Variants in CRYAB observed in about 807,000 individuals in gnomAD.
CRYAB encodes the protein alpha-crystallin B chain.
In CRYAB, 9 loss-of-function variants were observed where a neutral mutation model predicts 12.7. The ratio of observed to expected loss-of-function variants is 0.71; its 90% CI spans 0.43 to 1.24. CRYAB has a LOEUF of 1.24. Among genes scored for constraint, CRYAB ranks in the 50% most tolerant of loss-of-function variants. The pLI, the probability that CRYAB is intolerant of heterozygous loss-of-function variation, is 0.00. For missense variants in CRYAB, 183 were observed against 226.6 expected (o/e 0.81, Z 1.24); for synonymous variants, 93 against 86.8 (o/e 1.07, Z -0.40).
chr11:111,920,022 C>T (rs1379074716), intron 1 of CRYAB, among the ~76,000 whole-genome samples: 3 of 151,852 alleles, frequency 2.0e-5, no homozygotes, highest in Non-Finnish European at 4.4e-5. Flanking sequence ...GGTGAAACCC[C>T]ATCTCTACTG....
chr11:111,911,915 T>A (rs28362563), upstream of CRYAB: 168 of 595,080 alleles, frequency 2.8e-4, 1 homozygote, highest in East Asian at 4.2e-3. Context: ...TACCCAGTAC[T>A]CACTGAGCTA....
In CRYAB at chr11:111,910,610, T is replaced by G. The variant is rs547583530; in HGVS notation, c.202-161A>C. ...TTTTTAAATAAACATAGCTGTCTGC[T>G]TCAGGGAGCCACCACAGTGATACCT... On this transcript the variant is annotated intron_variant, in intron 1 of 2. Coordinates refer to ENST00000650687, the MANE Select transcript of CRYAB (RefSeq NM_001289808.2). 3.6e-5 allele frequency: 32 copies of G among 892,328 alleles called. No individual in the cohort carries two copies. In the African/African-American group the frequency reaches 5.0e-4, roughly 14 times the overall value. The allele number at this position is 892,328 out of a possible 1,614,324, so 55.3% of individuals were successfully genotyped here.
At chr11:111,918,861 T>C (rs1965638583) in intron 1 of CRYAB, 2 of 1,273,088 alleles carry the variant, frequency 1.6e-6, no homozygotes, top group Non-Finnish European at 2.3e-6. Context: ...GGTTGAAATC[T>C]GACACTGACA....
chr11:111,912,500 G>T (rs1447132366), upstream of CRYAB: 4 of 438,536 alleles, frequency 9.1e-6, no homozygotes, highest in South Asian at 8.7e-5. Flanking sequence ...TCTCAGCGAG[G>T]CCTCTTCATG....
chr11:111,913,965 TC>T, upstream of CRYAB: 2 of 1,324,454 alleles, frequency 1.5e-6, no homozygotes, highest in Non-Finnish European at 2.1e-6. Context: ...TGCCCACCAC[TC>T]CAGAGGTAGC....
At chr11:111,921,933 A>G (rs1406397590) in intron 1 of CRYAB, among the ~76,000 whole-genome samples, 1 of 152,074 alleles carries the variant, frequency 6.6e-6, no homozygotes. Flanking sequence ...CCCAGGTGTA[A>G]GCGATTCTCA....
chr11:111,914,860 G>C (rs1965573033), upstream of CRYAB, among the ~76,000 whole-genome samples: 2 of 152,162 alleles, frequency 1.3e-5, no homozygotes, highest in Non-Finnish European at 2.9e-5. Flanking sequence ...AGGATCACTT[G>C]AGCCCAAGAG....
At chr11:111,913,938 A>G, upstream of CRYAB, 1 of 1,519,368 alleles carries the variant, frequency 6.6e-7, no homozygotes, top group Admixed American at 1.8e-5. Flanking sequence ...TCTACCTCCC[A>G]AGGTGATATG....
In CRYAB at chr11:111,911,617, A is replaced by G. The variant is rs1592509703; in HGVS notation, c.108T>C (p.Asp36=). 6.2e-7 allele frequency: 1 copy of G among 1,613,006 alleles called. No homozygotes were observed. Among genetic ancestry groups the G allele is most frequent in the Non-Finnish European group, 8.5e-7 (1 of 1,179,702 alleles). ...TCAGGGAAGTAGACGTCGGGAAAAG[A>G]TCAGACTCCAACAGGTGCTCTCCGA... ...QFFGEHLLES[D]LFPTSTSLSP... is the part of the protein sequence containing the mutation. Residue 36 remains aspartate, a synonymous_variant, in exon 1 of 3, where the codon GAT becomes GAC. Transcript: ENST00000650687.
intron 1 of CRYAB, among the ~76,000 whole-genome samples, chr11:111,920,009 C>A (rs1965664802): frequency 6.6e-6 from 1 of 151,912 alleles, no homozygotes; most frequent in South Asian, 2.1e-4. Context: ...TCCTGGCTAA[C>A]ACGGTGAAAC....
chr11:111,915,358 T>A (rs1555166050), upstream of CRYAB, among the ~76,000 whole-genome samples: 1 of 152,154 alleles, frequency 6.6e-6, no homozygotes, highest in Non-Finnish European at 1.5e-5. Flanking sequence ...CCCAGAGAAA[T>A]AACATTTGAC....
upstream of CRYAB, chr11:111,911,902 A>C: frequency 1.6e-6 from 1 of 613,542 alleles, no homozygotes; most frequent in South Asian, 1.9e-5. Flanking sequence ...GCAATGTGAC[A>C]CATACCCAGT....
chr11:111,910,833 C>T (rs1555165480), intron 1 of CRYAB: 2 of 336,970 alleles, frequency 5.9e-6, no homozygotes, highest in African/African-American at 4.3e-5. Context: ...TTCCACCCAC[C>T]CAATCTGGAA....
At position 111,911,581 on chromosome 11, in the gene CRYAB, G is replaced by T; in HGVS notation, c.144C>A (p.Tyr48Ter). ...FPTSTSLSPF[Y>*]LRPPSFLRAP... Reference sequence around the variant, plus strand: ...CCCGCAGGAAGGAGGGTGGCCGAAGGTAGAAGGGACTCAGGGAAGTAGACG... The same window carrying T: ...CCCGCAGGAAGGAGGGTGGCCGAAGTTAGAAGGGACTCAGGGAAGTAGACG... Residue 48 changes from tyrosine (Y) to a stop codon, truncating the protein, a stop_gained, in exon 1 of 3, where the codon TAC becomes TAA. Coordinates refer to ENST00000650687, the MANE Select transcript of CRYAB (RefSeq NM_001289808.2). LOFTEE classifies it high-confidence loss of function. The T allele has an allele frequency of 6.2e-7, 1 of 1,613,362 alleles. No individual in the cohort carries two copies.
At chr11:111,916,501 GC>G (rs1965600021), upstream of CRYAB, among the ~76,000 whole-genome samples, 1 of 152,208 alleles carries the variant, frequency 6.6e-6, no homozygotes, top group African/African-American at 2.4e-5. Flanking sequence ...GGGGTTACAG[GC>G]GTGAGCCACC....
chr11:111,909,392 AAAAT>A, intron 2 of CRYAB: 1 of 358,810 alleles, frequency 2.8e-6, no homozygotes, highest in African/African-American at 2.1e-5. Flanking sequence ...AAAAAAAAAA[AAAAT>A]GACTCCATCC....
Position 111,911,691 on chromosome 11 carries a change from G to A in CRYAB, c.34C>T (p.Arg12Cys), listed in dbSNP as rs375933774. 1.1e-5 allele frequency: 17 copies of A among 1,599,392 alleles called. No homozygotes were observed. In the South Asian group the frequency reaches 1.1e-4, roughly 11 times the overall value. The change falls in exon 1 of 3, where the codon CGC becomes TGC. Residue 12 changes from arginine to cysteine, a missense_variant. Around this residue, in one of 3 missense-constraint regions of CRYAB, gnomAD observed 86 missense variants for 96.1 expected, o/e 0.89. Coordinates refer to ENST00000650687, the MANE Select transcript of CRYAB (RefSeq NM_001289808.2). ...DIAIHHPWIRRPFFPFHSPSR... is the reference protein window; with the variant it reads ...DIAIHHPWIRCPFFPFHSPSR... ...GGGGAGTGGAAAGGAAAGAAGGGGC[G>A]GCGGATCCAGGGGTGGTGGATGGCG...
chr11:111,914,340 A>G (rs1965564292), upstream of CRYAB, among the ~76,000 whole-genome samples: 1 of 152,238 alleles, frequency 6.6e-6, no homozygotes, highest in South Asian at 2.1e-4. Flanking sequence ...GGGATATGCC[A>G]TCCAAACAGC....
At chr11:111,920,704 C>T (rs1212776064) in intron 1 of CRYAB, among the ~76,000 whole-genome samples, 1 of 152,082 alleles carries the variant, frequency 6.6e-6, no homozygotes, top group East Asian at 1.9e-4. Context: ...GTAGAGGCTG[C>T]AGTGAACCAT....
Sources: gnomAD v4.1 joint callset for allele counts (sites outside exome capture counted in the v4.1 genomes callset) on GRCh38, gnomAD v4.1.1 for gene constraint, gnomAD v4.1.1 regional missense constraint, MANE v1.5 for transcripts, NCBI Gene and HGNC (gene_info 2026-07-23, HGNC 2026-07-21) for gene names.